The following CTNNBIP1 variants were observed in gnomAD, a reference collection of about 807,000 sequenced individuals.
The protein encoded by CTNNBIP1 is catenin beta interacting protein 1.
CTNNBIP1 carries 7 observed loss-of-function variants against 11.8 expected under a neutral mutation model. The ratio of observed to expected loss-of-function variants is 0.60; its 90% CI spans 0.34 to 1.12. CTNNBIP1 has a LOEUF of 1.12. Ranked by LOEUF, CTNNBIP1 falls within the 50% of genes most tolerant of loss-of-function variation. The probability of loss-of-function intolerance (pLI) is 0.03; values close to 1 mark genes in which losing one functional copy is unlikely to be tolerated. For synonymous variants in CTNNBIP1, 58 were observed against 43.9 expected, an observed-to-expected ratio of 1.32 and a Z score of -1.26; for missense variants, 101 against 113.4, an observed-to-expected ratio of 0.89 and a Z score of 0.50.
At chr1:9,907,356 A>G (rs1291668183) in intron 1 of CTNNBIP1, among the ~76,000 whole-genome samples, 2 of 152,134 alleles carry the variant, frequency 1.3e-5, no homozygotes, top group Non-Finnish European at 2.9e-5. Context: ...TTTTTAGTAG[A>G]GACGGGTTTT....
chr1:9,885,315 A>C (rs745644838), intron 1 of CTNNBIP1, among the ~76,000 whole-genome samples: 1 of 152,058 alleles, frequency 6.6e-6, no homozygotes, highest in South Asian at 2.1e-4. Context: ...GACAATCACG[A>C]GCTGAATTTT....
intron 5 of CTNNBIP1, among the ~76,000 whole-genome samples, chr1:9,869,398 A>G (rs1279920458): frequency 6.6e-6 from 1 of 151,606 alleles, no homozygotes; most frequent in Non-Finnish European, 1.5e-5. Context: ...TTTGAGACGG[A>G]GTCTTGCTCT....
chr1:9,868,296 G>A (rs1045548531), intron 5 of CTNNBIP1, among the ~76,000 whole-genome samples: 1 of 152,216 alleles, frequency 6.6e-6, no homozygotes, highest in African/African-American at 2.4e-5. Context: ...CCCGGAGAAA[G>A]AAGTAGCTGT....
chr1:9,873,233 T>A (rs547603943), intron 3 of CTNNBIP1, among the ~76,000 whole-genome samples: 4 of 152,278 alleles, frequency 2.6e-5, no homozygotes, highest in Admixed American at 1.3e-4. Flanking sequence ...GGATGCGGCA[T>A]AGGTCTCTTT....
Position 9,851,153 on chromosome 1 carries a change from CTCTT to C in CTNNBIP1, c.188-381_188-378del, listed in dbSNP as rs1471926034. On this transcript the variant is annotated intron_variant, in intron 5 of 5. Transcript: ENST00000377263. This position sits in a 1 kb window ranked among gnomAD's most constrained non-coding sequence, Gnocchi z 4.8. Reference sequence around the variant, plus strand: ...GGCGGGGTGGCCCTTGGGAACCTCCCTCTTTCTTCTCAAGACTCGCGTCTTGATG... The same window carrying C: ...GGCGGGGTGGCCCTTGGGAACCTCCCTCTTCTCAAGACTCGCGTCTTGATG... 1.3e-5 allele frequency among the ~76,000 whole-genome samples: 2 copies of C among 152,208 alleles called. No homozygotes were observed. Among genetic ancestry groups the C allele is most frequent in the East Asian group, 1.9e-4 (1 of 5,178 alleles).
intron 5 of CTNNBIP1, 136 bp from the exon 6 acceptor site, chr1:9,850,912 G>C (rs1011768376): frequency 3.7e-6 from 3 of 805,128 alleles, no homozygotes; most frequent in Non-Finnish European, 6.5e-6. Context: ...AAGTACTTCC[G>C]AGGAAGTCTT....
chr1:9,876,170 G>A (rs1570577959), intron 3 of CTNNBIP1, among the ~76,000 whole-genome samples: 1 of 152,166 alleles, frequency 6.6e-6, no homozygotes, highest in East Asian at 1.9e-4. Flanking sequence ...GTCCTTGAAC[G>A]TGAGAACCAA....
At chr1:9,909,051 A>C (rs1639677709) in intron 1 of CTNNBIP1, among the ~76,000 whole-genome samples, 1 of 152,240 alleles carries the variant, frequency 6.6e-6, no homozygotes, top group Non-Finnish European at 1.5e-5. Context: ...TTTTAATGGC[A>C]CAAGAGATCA....
intron 5 of CTNNBIP1, among the ~76,000 whole-genome samples, chr1:9,852,772 C>A (rs1372985272): frequency 6.6e-6 from 1 of 152,234 alleles, no homozygotes; most frequent in Non-Finnish European, 1.5e-5. Flanking sequence ...CCCGCTCACT[C>A]CTCTCCCTGC....
intron 1 of CTNNBIP1, among the ~76,000 whole-genome samples, chr1:9,909,218 G>C (rs1296086418): frequency 2.0e-5 from 3 of 152,194 alleles, no homozygotes; most frequent in Non-Finnish European, 4.4e-5. Context: ...CCAGCAGTTG[G>C]CCAGACATGT....
chr1:9,865,396 T>G (rs1638722852), intron 5 of CTNNBIP1, among the ~76,000 whole-genome samples: 1 of 151,936 alleles, frequency 6.6e-6, no homozygotes, highest in African/African-American at 2.4e-5. Context: ...GTCAGGAGAT[T>G]GAGACCATCC....
chr1:9,905,951 C>A (rs1639612182), intron 1 of CTNNBIP1, among the ~76,000 whole-genome samples: 1 of 152,070 alleles, frequency 6.6e-6, no homozygotes, highest in South Asian at 2.1e-4. Context: ...TAAGAGTAGA[C>A]AAAAAGAGAC....
intron 5 of CTNNBIP1, among the ~76,000 whole-genome samples, chr1:9,853,170 G>T (rs933970308): frequency 1.6e-4 from 24 of 152,200 alleles, no homozygotes; most frequent in African/African-American, 5.5e-4. Context: ...AAAGGCCTGA[G>T]GAGCTGCGGC....
At chr1:9,853,076 C>G (rs1328592575) in intron 5 of CTNNBIP1, among the ~76,000 whole-genome samples, 2 of 152,210 alleles carry the variant, frequency 1.3e-5, no homozygotes, top group Non-Finnish European at 2.9e-5. Context: ...GAGTCCTACC[C>G]TTCCCACACT....
chr1:9,857,209 G>A (rs529536555), intron 5 of CTNNBIP1, among the ~76,000 whole-genome samples: 117 of 150,890 alleles, frequency 7.8e-4, no homozygotes, highest in African/African-American at 2.7e-3. Flanking sequence ...GGCTGGGCGC[G>A]GTGGCTCACG....
chr1:9,906,855 C>T (rs1290455825), intron 1 of CTNNBIP1, among the ~76,000 whole-genome samples: 1 of 152,172 alleles, frequency 6.6e-6, no homozygotes, highest in Non-Finnish European at 1.5e-5. Flanking sequence ...GAAGAGTTTA[C>T]ATTTTGTGCA....
In CTNNBIP1 at chr1:9,872,233, G is replaced by A; in HGVS notation, c.-24-145C>T. ...CTGGGAGCATGGGGCAGGTGGCGAGGTGCTGGGTTCCTTTCTCACCCATGC... is the reference window on the plus strand; with the variant it reads ...CTGGGAGCATGGGGCAGGTGGCGAGATGCTGGGTTCCTTTCTCACCCATGC... On this transcript the variant is annotated intron_variant, in intron 3 of 5. Coordinates refer to ENST00000377263, the MANE Select transcript of CTNNBIP1 (RefSeq NM_020248.3). This position sits in a 1 kb window ranked among gnomAD's most constrained non-coding sequence, Gnocchi z 4.0. 1.6e-6 allele frequency: 1 copy of A among 632,998 alleles called. No individual in the cohort carries two copies. The highest frequency in any genetic ancestry group is 1.8e-5 in the South Asian group (1 of 55,236). The allele number at this position is 632,998 out of a possible 1,614,324, so 39.2% of individuals were successfully genotyped here. A position where few individuals can be genotyped will look rare whatever the true frequency, so the allele number is the denominator to read the frequency against.
chr1:9,895,245 C>A (rs1386976790), intron 1 of CTNNBIP1, among the ~76,000 whole-genome samples: 2 of 151,236 alleles, frequency 1.3e-5, no homozygotes, highest in Admixed American at 1.3e-4. Flanking sequence ...GTCACCCACG[C>A]TGGAATGTAA....
chr1:9,910,204 G>C lies in CTNNBIP1; in HGVS notation c.-253C>G, dbSNP rs1347692267. ...CCGAGCAGCCGCTGCGGCGGCGGCA[G>C]TAGCAGCAGCAGGAGCGGCCGCCTC... On this transcript the variant is annotated 5_prime_UTR_variant, in exon 1 of 6. Transcript: ENST00000377263. 8 of 147,356 alleles carry C rather than the reference G, an allele frequency of 5.4e-5. No individual in the cohort carries two copies. The highest frequency in any genetic ancestry group is 1.1e-4 in the Non-Finnish European group (7 of 66,116). The allele number at this position is 147,356 out of a possible 1,614,324, so 9.1% of individuals were successfully genotyped here. A position where few individuals can be genotyped will look rare whatever the true frequency, so the allele number is the denominator to read the frequency against.
Sources: allele counts gnomAD v4.1 joint callset (sites outside exome capture counted in the v4.1 genomes callset), GRCh38; gene constraint gnomAD v4.1.1; non-coding constraint Gnocchi (gnomAD v3.1); transcripts MANE v1.5; gene names NCBI Gene and HGNC (gene_info 2026-07-23, HGNC 2026-07-21).